Variants in JHY observed in about 807,000 individuals in gnomAD.
JHY encodes junctional cadherin complex regulator.
Under a neutral mutation model 78.0 loss-of-function variants are expected in JHY, and 69 were observed. The observed-to-expected ratio is 0.88, with a 90% CI of 0.73 to 1.08. JHY has a LOEUF of 1.08. Among genes scored for constraint, JHY ranks in the 50% least tolerant of loss-of-function variants. JHY has a pLI of 0.00. For missense variants in JHY, 944 were observed against 927.8 expected (o/e 1.02, Z -0.23); for synonymous variants, 368 against 342.6 (o/e 1.07, Z -0.82).
intron 6 of JHY, among the ~76,000 whole-genome samples, chr11:122,949,893 G>A (rs1266673945): frequency 1.3e-5 from 2 of 149,564 alleles, no homozygotes. Context: ...CTGGTGTGCA[G>A]TGAAGCAATC....
intron 6 of JHY, chr11:122,947,094 C>T: frequency 3.8e-6 from 1 of 259,852 alleles, no homozygotes; most frequent in Non-Finnish European, 7.2e-6. Context: ...GCTGAAACAT[C>T]TCTTCCTTAG....
At chr11:122,948,176 G>A (rs1394663969) in intron 6 of JHY, among the ~76,000 whole-genome samples, 1 of 152,158 alleles carries the variant, frequency 6.6e-6, no homozygotes, top group Non-Finnish European at 1.5e-5. Context: ...GGGCGTGGTG[G>A]CTAACGCCTG....
Position 122,946,505 on chromosome 11 carries a change from C to T in JHY, c.1642C>T (p.His548Tyr), listed in dbSNP as rs1314365124. The change falls in exon 6 of 9, where the codon CAT becomes TAT. Residue 548 changes from histidine (H) to tyrosine (Y), a missense_variant. His to Tyr is a moderately conservative substitution (Grantham distance 83). Transcript: ENST00000227349. ...TTTTTTTTTTTCATTAAGGAAATTC[C>T]ATTCTTCTTCTGACAGCCAGACGGT... Reference protein sequence around the residue: ...YRNLEMLWKFHSSSDSQTVRA... With the variant: ...YRNLEMLWKFYSSSDSQTVRA... The T allele has an allele frequency of 1.2e-5, 19 of 1,561,794 alleles. No homozygotes were observed. Among genetic ancestry groups the T allele is most frequent in the East Asian group, 2.3e-5 (1 of 43,980 alleles).
chr11:122,930,258 T>C (rs1055155262), intron 4 of JHY, among the ~76,000 whole-genome samples: 5 of 152,042 alleles, frequency 3.3e-5, no homozygotes, highest in African/African-American at 7.2e-5. Flanking sequence ...TTTTTGTATT[T>C]TTAGTAGAGA....
At chr11:122,886,718 G>C (rs1862504824) in intron 2 of JHY, among the ~76,000 whole-genome samples, 1 of 152,146 alleles carries the variant, frequency 6.6e-6, no homozygotes, top group African/African-American at 2.4e-5. Context: ...AAAGTGCTAT[G>C]ATTACAGGCA....
intron 6 of JHY, among the ~76,000 whole-genome samples, chr11:122,954,867 A>G (rs1864158577): frequency 6.6e-6 from 1 of 152,234 alleles, no homozygotes; most frequent in Non-Finnish European, 1.5e-5. Flanking sequence ...GTGCTTTGTC[A>G]TTAACATATA....
At chr11:122,925,161 G>A in intron 4 of JHY, 151 bp downstream of exon 4, 1 of 641,142 alleles carries the variant, frequency 1.6e-6, no homozygotes, top group Non-Finnish European at 2.6e-6. Context: ...CTTCTGCTCA[G>A]AGGAGCCATT....
chr11:122,956,379 C>G (rs1032376528), intron 6 of JHY, 117 bp from the exon 7 acceptor site: 2 of 751,192 alleles, frequency 2.7e-6, no homozygotes, highest in Non-Finnish European at 4.2e-6. Context: ...TGACAGTGCA[C>G]ACAGGCTTTC....
chr11:122,957,811 T>TCACACACACACA (rs113733119), intron 8 of JHY, among the ~76,000 whole-genome samples: 9,833 of 149,738 alleles, frequency 0.066, 384 homozygotes, highest in Non-Finnish European at 0.084. Flanking sequence ...ACACACACAG[T>TCACACACACACA]CACACACACA....
rs1232801764 is a variant in JHY at position 122,959,434 on chromosome 11, C to G, written c.2326C>G (p.His776Asp). The G allele has an allele frequency of 6.2e-7, 1 of 1,614,078 alleles. No individual in the cohort carries two copies. The highest frequency in any genetic ancestry group is 8.5e-7 in the Non-Finnish European group (1 of 1,179,956). ...KQAVAAFKVLHIV is the reference protein window; with the variant it reads ...KQAVAAFKVLDIV Reference sequence around the variant, plus strand: ...GGCTGTGGCTGCTTTCAAAGTCCTTCACATCGTATAGACAACATTTGATAG... The same window carrying G: ...GGCTGTGGCTGCTTTCAAAGTCCTTGACATCGTATAGACAACATTTGATAG... The change falls in exon 9 of 9, where the codon CAC (histidine) becomes GAC (aspartate). Residue 776 changes from histidine (H) to aspartate (D), a missense_variant. Coordinates refer to ENST00000227349, the MANE Select transcript of JHY (RefSeq NM_024806.4).
chr11:122,938,394 C>T (rs929873416), intron 5 of JHY, among the ~76,000 whole-genome samples: 8 of 130,170 alleles, frequency 6.1e-5, no homozygotes, highest in East Asian at 3.9e-4. Flanking sequence ...TGTTAATTTC[C>T]GACAGGATTT....
At chr11:122,931,333 A>G (rs1211100725) in intron 4 of JHY, among the ~76,000 whole-genome samples, 1 of 152,244 alleles carries the variant, frequency 6.6e-6, no homozygotes, top group Non-Finnish European at 1.5e-5. Context: ...TAATGATAGT[A>G]TTAAAGATAT....
intron 3 of JHY, among the ~76,000 whole-genome samples, chr11:122,914,329 C>T (rs1348978106): frequency 6.6e-6 from 1 of 151,948 alleles, no homozygotes; most frequent in African/African-American, 2.4e-5. Context: ...TTAAGCTTTA[C>T]CTTTATTTAA....
chr11:122,910,492 A>T (rs559465658), intron 3 of JHY, among the ~76,000 whole-genome samples: 1 of 151,840 alleles, frequency 6.6e-6, no homozygotes, highest in Non-Finnish European at 1.5e-5. Context: ...ACCAAAAAAC[A>T]GTGGAAAGGA....
At chr11:122,930,575 A>G (rs2135349534) in intron 4 of JHY, among the ~76,000 whole-genome samples, 1 of 152,372 alleles carries the variant, frequency 6.6e-6, no homozygotes, top group African/African-American at 2.4e-5. Context: ...AATGATGGTC[A>G]TCATCATATT....
At position 122,946,613 on chromosome 11, in the gene JHY, A is replaced by G. The variant is rs1355774038; in HGVS notation, c.1750A>G (p.Ser584Gly). ...ALVQLTDVQP[S>G]EGALSSVTLP... The stretch of plus-strand genomic sequence containing the variant: ...GGTGCAGCTGACCGACGTGCAGCCC[A>G]GTGAAGGGGCCTTATCCAGCGTCAC... Residue 584 changes from serine to glycine, a missense_variant, in exon 6 of 9, where the codon AGT becomes GGT. Coordinates refer to ENST00000227349, the MANE Select transcript of JHY (RefSeq NM_024806.4). The G allele has an allele frequency of 5.0e-6, 8 of 1,614,020 alleles. No homozygotes were observed. In the Admixed American group the frequency reaches 6.7e-5, roughly 13 times the overall value.
In JHY at chr11:122,934,736, G is replaced by A. The variant is rs1357123701; in HGVS notation, c.1295G>A (p.Ser432Asn). 2 of 1,614,148 alleles carry A rather than the reference G, an allele frequency of 1.2e-6. No homozygotes were observed. Among genetic ancestry groups the A allele is most frequent in the Non-Finnish European group, 8.5e-7 (1 of 1,180,034 alleles). ...NDVQASRALR[S>N]HNLKETSNTF... ...GTACAAGCCTCAAGGGCACTTAGAA[G>A]CCACAATCTCAAAGAAACCTCCAAT... Residue 432 changes from serine (S) to asparagine (N), a missense_variant, in exon 5 of 9, where the codon AGC becomes AAC. Coordinates refer to ENST00000227349, the MANE Select transcript of JHY (RefSeq NM_024806.4).
At chr11:122,909,359 A>C (rs1184920681) in intron 3 of JHY, among the ~76,000 whole-genome samples, 11 of 152,128 alleles carry the variant, frequency 7.2e-5, no homozygotes, top group Admixed American at 5.9e-4. Context: ...AAGAGTATGG[A>C]CTCTGGAGCC....
Position 122,934,842 on chromosome 11 carries a change from TAAAG to T in JHY, c.1407_1410del (p.Arg470AspfsTer23). ...GATGTGACTCTGGGCTGAATGTTAA[TAAAG>T]AAAGAGGACACAAAGACCAAGAAGA... On this transcript the variant is annotated frameshift_variant, in exon 5 of 9. Coordinates refer to ENST00000227349, the MANE Select transcript of JHY (RefSeq NM_024806.4). LOFTEE classifies it high-confidence loss of function. 1 of 1,613,936 alleles carries T rather than the reference TAAAG, an allele frequency of 6.2e-7. No homozygotes were observed. Among genetic ancestry groups the T allele is most frequent in the Non-Finnish European group, 8.5e-7 (1 of 1,179,978 alleles).
Sources: allele counts gnomAD v4.1 joint callset (sites outside exome capture counted in the v4.1 genomes callset), GRCh38; gene constraint gnomAD v4.1.1; transcripts MANE v1.5; gene names NCBI Gene and HGNC (gene_info 2026-07-23, HGNC 2026-07-21).